MITF: variants seen among roughly 807,000 people sequenced by gnomAD.
The protein encoded by MITF is microphthalmia-associated transcription factor.
MITF carries 17 observed loss-of-function variants against 60.5 expected under a neutral mutation model. That is an observed-to-expected ratio of 0.28 (90% CI 0.19 to 0.42). MITF has a LOEUF of 0.42. Ranked by LOEUF, MITF falls within the 10% of genes least tolerant of loss-of-function variation. The probability of loss-of-function intolerance (pLI) is 1.00; values close to 1 mark genes in which losing one functional copy is unlikely to be tolerated. For missense variants in MITF, 622 were observed against 683.5 expected (o/e 0.91, Z 1.00); for synonymous variants, 260 against 248.5 (o/e 1.05, Z -0.43).
chr3:69,783,733 G>C (rs1017020579), intron 1 of MITF, among the ~76,000 whole-genome samples: 1 of 152,050 alleles, frequency 6.6e-6, no homozygotes, highest in Non-Finnish European at 1.5e-5. Flanking sequence ...ATTTCTAAAA[G>C]TGGTGTTTCA....
At chr3:69,886,256 A>T (rs111720429) in intron 2 of MITF, among the ~76,000 whole-genome samples, 1 of 152,240 alleles carries the variant, frequency 6.6e-6, no homozygotes, top group African/African-American at 2.4e-5. Context: ...ACTGATGTGA[A>T]CGTGACACTA....
intron 2 of MITF, among the ~76,000 whole-genome samples, chr3:69,935,671 C>A (rs2065816943): frequency 6.6e-6 from 1 of 152,148 alleles, no homozygotes; most frequent in Non-Finnish European, 1.5e-5. Flanking sequence ...CATTTGTCAG[C>A]AGTAGATATT....
At chr3:69,889,943 A>C (rs146103690) in intron 2 of MITF, among the ~76,000 whole-genome samples, 1 of 152,162 alleles carries the variant, frequency 6.6e-6, no homozygotes, top group African/African-American at 2.4e-5. Context: ...AGCCAAGTAG[A>C]TGGAAAGTGC....
intron 1 of MITF, among the ~76,000 whole-genome samples, chr3:69,836,299 A>G (rs1335854755): frequency 6.6e-6 from 1 of 152,192 alleles, no homozygotes; most frequent in Non-Finnish European, 1.5e-5. Context: ...TAGAAATACT[A>G]CTGATTTTTT....
intron 1 of MITF, chr3:69,866,460 C>T: frequency 5.7e-6 from 7 of 1,225,726 alleles, no homozygotes; most frequent in Non-Finnish European, 7.7e-6. Flanking sequence ...GTTAAAAATA[C>T]TGAAGCTGTT....
intron 1 of MITF, among the ~76,000 whole-genome samples, chr3:69,799,480 C>T (rs1441233336): frequency 1.3e-5 from 2 of 152,096 alleles, no homozygotes; most frequent in Non-Finnish European, 2.9e-5. Context: ...GTTTTTAAGT[C>T]TGATTTACAA....
rs554712213 is a variant in MITF, at chr3:69,848,684, C to G, written c.105-30450C>G. 9.9e-5 allele frequency among the ~76,000 whole-genome samples: 15 copies of G among 152,264 alleles called. No homozygotes were observed. In the South Asian group the frequency reaches 3.1e-3, roughly 32 times the overall value. ...TTGCAAAAATTTATGTTTTCAGATGCTTGTTGTGAACATGATGGCAATGAC... is the reference window on the plus strand; with the variant it reads ...TTGCAAAAATTTATGTTTTCAGATGGTTGTTGTGAACATGATGGCAATGAC... On this transcript the variant is annotated intron_variant, in intron 1 of 9. Transcript: ENST00000352241.
intron 2 of MITF, among the ~76,000 whole-genome samples, chr3:69,902,009 C>CT (rs2065004325): frequency 6.6e-6 from 1 of 152,188 alleles, no homozygotes; most frequent in African/African-American, 2.4e-5. Context: ...TGCTTTATAA[C>CT]TGTTTGCTTT....
At chr3:69,910,619 G>T (rs562456955) in intron 2 of MITF, among the ~76,000 whole-genome samples, 1 of 152,332 alleles carries the variant, frequency 6.6e-6, no homozygotes, top group East Asian at 1.9e-4. Flanking sequence ...GCATCAGCAT[G>T]ACCTGGACGT....
chr3:69,949,196 C>T, intron 6 of MITF, 28 bp downstream of exon 6: 2 of 1,471,040 alleles, frequency 1.4e-6, no homozygotes, highest in South Asian at 2.3e-5. Context: ...GTGCCTCTTA[C>T]TGCAGATTTC....
chr3:69,835,886 G>A (rs1377064935), intron 1 of MITF, among the ~76,000 whole-genome samples: 2 of 152,088 alleles, frequency 1.3e-5, no homozygotes, highest in Non-Finnish European at 2.9e-5. Context: ...TAATTTTGTA[G>A]TATATTTTGA....
intron 1 of MITF, among the ~76,000 whole-genome samples, chr3:69,854,592 G>A (rs1432567515): frequency 3.9e-5 from 6 of 152,120 alleles, no homozygotes; most frequent in Non-Finnish European, 8.8e-5. Flanking sequence ...GTGTGGATGT[G>A]GAGCTTATGG....
chr3:69,933,825 A>G (rs1468505965), intron 2 of MITF, among the ~76,000 whole-genome samples: 1 of 152,140 alleles, frequency 6.6e-6, no homozygotes, highest in Non-Finnish European at 1.5e-5. Context: ...TTAATGCTAC[A>G]TATATGTTCT....
chr3:69,966,404 G>T lies in MITF; in HGVS notation c.*1156G>T, dbSNP rs530077656. On this transcript the variant is annotated 3_prime_UTR_variant, in exon 10 of 10. Coordinates refer to ENST00000352241, the MANE Select transcript of MITF (RefSeq NM_001354604.2). Reference sequence around the variant, plus strand: ...AGAACTGTTTTTGGACACATTTAAGGTGTAGTATTAATAGGTTAAAACCAG... The same window carrying T: ...AGAACTGTTTTTGGACACATTTAAGTTGTAGTATTAATAGGTTAAAACCAG... 242 of 232,864 alleles carry T rather than the reference G, an allele frequency of 1.0e-3. 1 individual carries two copies. The highest frequency in any genetic ancestry group is 2.0e-3 in the Admixed American group (35 of 17,778). 14.4% of individuals were successfully genotyped at this position (232,864 alleles called of 1,614,324 possible).
At chr3:69,863,223 GTGA>G (rs1269102235) in intron 1 of MITF, among the ~76,000 whole-genome samples, 2 of 152,284 alleles carry the variant, frequency 1.3e-5, no homozygotes, top group African/African-American at 4.8e-5. Flanking sequence ...GTTAATTTGG[GTGA>G]TGACTTGAGG....
chr3:69,765,925 G>C (rs1318794672), intron 1 of MITF, among the ~76,000 whole-genome samples: 2 of 152,274 alleles, frequency 1.3e-5, no homozygotes, highest in East Asian at 3.9e-4. Flanking sequence ...ATGTCATTGT[G>C]GAGCTTTTGG....
At chr3:69,845,438 C>CTTTTTTTT (rs202135701) in intron 1 of MITF, among the ~76,000 whole-genome samples, 1,488 of 133,156 alleles carry the variant, frequency 0.011, 2 homozygotes, top group Non-Finnish European at 0.019. Context: ...TTTCTTTTTT[C>CTTTTTTTT]TTTCTTTTTT....
intron 1 of MITF, among the ~76,000 whole-genome samples, chr3:69,829,241 A>G (rs1230717753): frequency 6.6e-6 from 1 of 152,224 alleles, no homozygotes; most frequent in Admixed American, 6.5e-5. Context: ...GGAGTTAAAA[A>G]GACAAACAAA....
At chr3:69,926,826 TC>T (rs1359865279) in intron 2 of MITF, among the ~76,000 whole-genome samples, 4 of 152,142 alleles carry the variant, frequency 2.6e-5, no homozygotes, top group African/African-American at 9.7e-5. Flanking sequence ...AAAAACAAAG[TC>T]CTCTCCATCT....
Sources: allele counts gnomAD v4.1 joint callset (sites outside exome capture counted in the v4.1 genomes callset), GRCh38; gene constraint gnomAD v4.1.1; transcripts MANE v1.5; gene names NCBI Gene and HGNC (gene_info 2026-07-23, HGNC 2026-07-21).